Variants in PSD3 observed in about 807,000 individuals in gnomAD.
PSD3 encodes pleckstrin and Sec7 domain containing 3, also known as PH and SEC7 domain-containing protein 3.
A neutral mutation model predicts 105.5 loss-of-function variants in PSD3; 49 were observed. The observed-to-expected ratio is 0.46, with a 90% CI of 0.37 to 0.59. The LOEUF is 0.59. PSD3 is among the 20% of genes least tolerant of loss of function. The pLI is 0.00. For synonymous variants in PSD3, 557 were observed against 457.8 expected (o/e 1.22, Z -2.77); for missense variants, 1,561 against 1,263.8 (o/e 1.24, Z -3.57).
chr8:18,636,001 A>T (rs537367029), intron 10 of PSD3, among the ~76,000 whole-genome samples: 1 of 152,142 alleles, frequency 6.6e-6, no homozygotes, highest in Non-Finnish European at 1.5e-5. Context: ...TGGCACATGT[A>T]TACCTATGTA....
chr8:18,577,108 G>T (rs908739034), intron 12 of PSD3, among the ~76,000 whole-genome samples: 2 of 151,922 alleles, frequency 1.3e-5, no homozygotes, highest in East Asian at 3.9e-4. Flanking sequence ...TGGGAAAGAA[G>T]AGTATTTTTT....
At chr8:18,942,265 A>C (rs1822593807) in intron 1 of PSD3, among the ~76,000 whole-genome samples, 1 of 152,164 alleles carries the variant, frequency 6.6e-6, no homozygotes, top group South Asian at 2.1e-4. Context: ...TAAATTAAAG[A>C]CTATAAAATA....
chr8:18,722,799 C>T (rs1478283699), intron 9 of PSD3, among the ~76,000 whole-genome samples: 1 of 152,126 alleles, frequency 6.6e-6, no homozygotes, highest in Non-Finnish European at 1.5e-5. Flanking sequence ...ATCTATAGAG[C>T]CCATTCAAAT....
intron 9 of PSD3, chr8:18,762,865 A>G: frequency 3.4e-6 from 4 of 1,177,996 alleles, no homozygotes; most frequent in Non-Finnish European, 4.4e-6. Flanking sequence ...TCAGAAAACA[A>G]CTACAACAAC....
intron 2 of PSD3, among the ~76,000 whole-genome samples, chr8:18,881,172 C>T (rs1316085609): frequency 6.6e-6 from 1 of 152,110 alleles, no homozygotes; most frequent in Non-Finnish European, 1.5e-5. Flanking sequence ...TATAAACCCA[C>T]TGATTTTTTA....
intron 1 of PSD3, among the ~76,000 whole-genome samples, chr8:18,990,233 C>A (rs905577018): frequency 3.3e-5 from 5 of 152,236 alleles, no homozygotes; most frequent in Admixed American, 2.6e-4. Flanking sequence ...GCTTAAACCT[C>A]TTCAGTGACC....
chr8:19,072,791 C>A (rs1829314075), intron 1 of PSD3, among the ~76,000 whole-genome samples: 1 of 152,190 alleles, frequency 6.6e-6, no homozygotes, highest in African/African-American at 2.4e-5. Context: ...AGGCTCAATT[C>A]CAAGTTCTTT....
intron 12 of PSD3, among the ~76,000 whole-genome samples, chr8:18,591,715 C>T (rs1803623454): frequency 6.6e-6 from 1 of 152,094 alleles, no homozygotes; most frequent in South Asian, 2.1e-4. Context: ...AGCATTCTGG[C>T]TTTTTGGAGG....
At chr8:18,751,079 G>T (rs1198620481) in intron 9 of PSD3, among the ~76,000 whole-genome samples, 1 of 152,108 alleles carries the variant, frequency 6.6e-6, no homozygotes, top group Non-Finnish European at 1.5e-5. Context: ...GGACCTGGGC[G>T]CCGTGCAGCA....
chr8:18,696,503 G>A (rs1801270256), intron 9 of PSD3, among the ~76,000 whole-genome samples: 1 of 152,170 alleles, frequency 6.6e-6, no homozygotes, highest in Non-Finnish European at 1.5e-5. Context: ...TTACTAAGCA[G>A]CACGTTGCTC....
intron 1 of PSD3, among the ~76,000 whole-genome samples, chr8:19,046,641 C>A (rs934304093): frequency 6.6e-6 from 1 of 152,168 alleles, no homozygotes; most frequent in African/African-American, 2.4e-5. Context: ...CCTTGAGTTT[C>A]CAAGACAAGC....
At chr8:18,614,669 A>AT (rs1805524857) in intron 11 of PSD3, among the ~76,000 whole-genome samples, 1 of 151,868 alleles carries the variant, frequency 6.6e-6, no homozygotes, top group African/African-American at 2.4e-5. Flanking sequence ...TCATATACAT[A>AT]TTTTTTTCTT....
At chr8:18,723,404 C>T (rs1803133015) in intron 9 of PSD3, among the ~76,000 whole-genome samples, 1 of 152,190 alleles carries the variant, frequency 6.6e-6, no homozygotes, top group Non-Finnish European at 1.5e-5. Context: ...TCATCCAGTG[C>T]ACTTTCTCAT....
intron 1 of PSD3, among the ~76,000 whole-genome samples, chr8:19,029,407 C>T (rs1216248298): frequency 1.3e-5 from 2 of 152,098 alleles, no homozygotes; most frequent in East Asian, 3.8e-4. Context: ...TAAAGACATA[C>T]CCGAGACTGG....
At chr8:19,009,807 C>T (rs926190934) in intron 1 of PSD3, among the ~76,000 whole-genome samples, 3 of 147,190 alleles carry the variant, frequency 2.0e-5, no homozygotes, top group African/African-American at 8.0e-5. Context: ...AGGAGAATTG[C>T]TTGAGTCTGA....
chr8:18,614,125 C>G (rs1805477606), intron 11 of PSD3, among the ~76,000 whole-genome samples: 1 of 152,196 alleles, frequency 6.6e-6, no homozygotes, highest in Non-Finnish European at 1.5e-5. Flanking sequence ...ATGCCTCATC[C>G]TGGGGTTTCC....
At chr8:18,676,198 C>G (rs1033276632) in intron 9 of PSD3, among the ~76,000 whole-genome samples, 2 of 152,026 alleles carry the variant, frequency 1.3e-5, no homozygotes, top group Admixed American at 1.3e-4. Context: ...CAGCATGGAC[C>G]AGCATTTTCT....
At chr8:18,622,437 T>C (rs1563389968) in intron 11 of PSD3, among the ~76,000 whole-genome samples, 1 of 152,248 alleles carries the variant, frequency 6.6e-6, no homozygotes, top group African/African-American at 2.4e-5. Context: ...AGTTTTGTGC[T>C]GTGCTAGATG....
chr8:18,603,890 C>T (rs1246406646), intron 11 of PSD3, among the ~76,000 whole-genome samples: 1 of 152,208 alleles, frequency 6.6e-6, no homozygotes, highest in Admixed American at 6.5e-5. Context: ...TTCCCAGAAG[C>T]TGAACAGATG....
Sources: gnomAD v4.1 joint callset for allele counts (sites outside exome capture counted in the v4.1 genomes callset) on GRCh38, gnomAD v4.1.1 for gene constraint, MANE v1.5 for transcripts, NCBI Gene and HGNC (gene_info 2026-07-23, HGNC 2026-07-21) for gene names.